Variants in CGB1 observed in about 807,000 individuals in gnomAD.
CGB1 encodes choriogonadotropin subunit beta variant 1.
A neutral mutation model predicts 7.0 loss-of-function variants in CGB1; 4 were observed. That is an observed-to-expected ratio of 0.57 (90% CI 0.28 to 1.31). The LOEUF (loss-of-function observed/expected upper bound fraction) is 1.31. Ranked by LOEUF, CGB1 falls within the 50% of genes most tolerant of loss-of-function variation. CGB1 has a pLI of 0.10. For missense variants in CGB1, 139 were observed against 219.1 expected (o/e 0.63, Z 2.31); for synonymous variants, 72 against 96.4 (o/e 0.75, Z 1.48).
rs1303726020 is a variant in CGB1, at chr19:49,036,698, C to A, written c.9+5G>T. ...TTGGTGCCCGGAAATGTGGATCTAC[C>A]CTACCTTTGACATGTCTCTCTCTTA... is the stretch of plus-strand genomic sequence containing the variant. On this transcript the variant is annotated splice_donor_5th_base_variant and intron_variant, in intron 1 of 2. Transcript: ENST00000301407. 1.9e-6 allele frequency: 3 copies of A among 1,613,940 alleles called. No homozygotes were observed. Among genetic ancestry groups the A allele is most frequent in the Non-Finnish European group, 2.5e-6 (3 of 1,179,846 alleles).
At position 49,036,780 on chromosome 19, in the gene CGB1, C is replaced by T. The variant is rs573599743; in HGVS notation, c.-69G>A. 1.4e-5 allele frequency: 22 copies of T among 1,610,616 alleles called. No individual in the cohort carries two copies. Among genetic ancestry groups the T allele is most frequent in the South Asian group, 2.2e-5 (2 of 91,000 alleles). Reference sequence around the variant, plus strand: ...GGACATGGAAAGTAAATTGAGTCTCCGTGGGGGAGTGAGACAGGGAGTGAG... The same window carrying T: ...GGACATGGAAAGTAAATTGAGTCTCTGTGGGGGAGTGAGACAGGGAGTGAG... On this transcript the variant is annotated 5_prime_UTR_variant, in exon 1 of 3. Transcript: ENST00000301407.
rs569421954 is a variant in CGB1 at position 49,036,890 on chromosome 19, C to A, written c.-179G>T. On this transcript the variant is annotated 5_prime_UTR_variant, in exon 1 of 3. It adds an upstream start codon to the 5' untranslated region. Coordinates refer to ENST00000301407, the MANE Select transcript of CGB1 (RefSeq NM_033377.2). Reference sequence around the variant, plus strand: ...TCTCAGATGCAGTTCCCCTTCCTCCCTCCAGGGGGCGCCACGGAACGCAGG... The same window carrying A: ...TCTCAGATGCAGTTCCCCTTCCTCCATCCAGGGGGCGCCACGGAACGCAGG... The A allele has an allele frequency of 6.0e-6, 5 of 835,974 alleles. No homozygotes were observed. Among genetic ancestry groups the A allele is most frequent in the Non-Finnish European group, 7.7e-6 (4 of 522,118 alleles). 51.8% of individuals were successfully genotyped at this position (835,974 alleles called of 1,614,324 possible). A position where few individuals can be genotyped will look rare whatever the true frequency, so the allele number is the denominator to read the frequency against.
chr19:49,036,477 C>G (rs1045073341), intron 1 of CGB1, 174 bp from the exon 2 acceptor site: 9 of 1,553,198 alleles, frequency 5.8e-6, no homozygotes, highest in Admixed American at 1.9e-5. Flanking sequence ...GCCCAGAGGA[C>G]CTGAGATACC....
At position 49,036,303 on chromosome 19, in the gene CGB1, T is replaced by A; in HGVS notation, c.10A>T (p.Arg4Trp). The A allele has an allele frequency of 1.3e-6, 2 of 1,599,092 alleles. No homozygotes were observed. Among genetic ancestry groups the A allele is most frequent in the Non-Finnish European group, 1.7e-6 (2 of 1,176,452 alleles). The change falls in exon 2 of 3, where the codon AGG becomes TGG. Residue 4 changes from arginine (R) to tryptophan (W), a missense_variant and splice_region_variant. Coordinates refer to ENST00000301407, the MANE Select transcript of CGB1 (RefSeq NM_033377.2). ...CTCAGCAGCAGCAACAGCAGCAGCC[T>A]CTGGGGCAAGGACACTGCTTCACCC... MSK[R>W]LLLLLLLSMG... is the part of the protein sequence containing the mutation.
At chr19:49,035,989 CAG>C (rs2039811212) in intron 2 of CGB1, 89 bp from the exon 3 acceptor site, 1 of 1,316,956 alleles carries the variant, frequency 7.6e-7, no homozygotes, top group African/African-American at 1.5e-5. Flanking sequence ...GTCTCAGACT[CAG>C]GGGTCCAGGA....
intron 2 of CGB1, 109 bp downstream of exon 2, chr19:49,036,027 C>A (rs939677634): frequency 1.5e-5 from 23 of 1,488,676 alleles, no homozygotes; most frequent in Non-Finnish European, 1.9e-5. Flanking sequence ...CCCTCCCACA[C>A]CCCATTCCGC....
Position 49,036,029 on chromosome 19 carries a change from C to T in CGB1, c.177+107G>A. 3 of 1,495,640 alleles carry T rather than the reference C, an allele frequency of 2.0e-6. No homozygotes were observed. The African/African-American group carries it at 4.2e-5, about 21-fold the overall frequency. 92.6% of individuals were successfully genotyped at this position (1,495,640 alleles called of 1,614,324 possible). A position where few individuals can be genotyped will look rare whatever the true frequency, so the allele number is the denominator to read the frequency against. On this transcript the variant is annotated intron_variant, in intron 2 of 2. Transcript: ENST00000301407. ...CCCTCTGTTCCTGCCCTCCCACACC[C>T]CATTCCGCAGCCCCTGACCAGAGAG...
intron 1 of CGB1, 53 bp downstream of exon 1, chr19:49,036,650 T>A (rs1026763373): frequency 6.2e-6 from 10 of 1,613,860 alleles, no homozygotes; most frequent in Non-Finnish European, 8.5e-6. Flanking sequence ...GGCCCTGCAG[T>A]CTTTCCTGGA....
intron 1 of CGB1, 26 bp downstream of exon 1, chr19:49,036,677 T>C: frequency 6.2e-7 from 1 of 1,613,934 alleles, no homozygotes; most frequent in Non-Finnish European, 8.5e-7. Context: ...CCATCTTTGG[T>C]GCCCGGAAAT....
At chr19:49,036,615 T>C in intron 1 of CGB1, 88 bp downstream of exon 1, 3 of 1,613,952 alleles carry the variant, frequency 1.9e-6, no homozygotes, top group Non-Finnish European at 2.5e-6. Context: ...AGTGATGGCC[T>C]GGAAGGAGGT....
At chr19:49,036,391 G>T in intron 1 of CGB1, 88 bp from the exon 2 acceptor site, 1 of 1,600,922 alleles carries the variant, frequency 6.2e-7, no homozygotes, top group Non-Finnish European at 8.5e-7. Flanking sequence ...CACCCACAAA[G>T]ACCCAGAGAC....
In CGB1 at chr19:49,035,633, G is replaced by C; in HGVS notation, c.445C>G (p.Pro149Ala). 1.9e-6 allele frequency: 3 copies of C among 1,611,438 alleles called. No homozygotes were observed. The highest frequency in any genetic ancestry group is 2.5e-6 in the Non-Finnish European group (3 of 1,179,902). Residue 149 changes from proline to alanine, a missense_variant, in exon 3 of 3, where the codon CCA (proline) becomes GCA (alanine). This residue lies in a region of CGB1 where 44 missense variants were observed against 35.0 expected (regional missense o/e 1.26). Coordinates refer to ENST00000301407, the MANE Select transcript of CGB1 (RefSeq NM_033377.2). ...TCCTAGGGCCCCGGGAGACGGGATG[G>C]ACTTGGAAGGCTGGGGGGAGGGGCC... ...SKAPPPSLPSPSRLPGP is the reference protein window; with the variant it reads ...SKAPPPSLPSASRLPGP
In CGB1 at chr19:49,036,015, T is replaced by G. The variant is rs1600223629; in HGVS notation, c.178-115A>C. On this transcript the variant is annotated intron_variant, in intron 2 of 2. Transcript: ENST00000301407. ...AGGGGTCCAGGAAGCCCTCTGTTCC[T>G]GCCCTCCCACACCCCATTCCGCAGC... 7 of 1,441,414 alleles carry G rather than the reference T, an allele frequency of 4.9e-6. No individual in the cohort carries two copies. In the East Asian group the frequency reaches 1.7e-4, roughly 35 times the overall value. 89.3% of individuals were successfully genotyped at this position (1,441,414 alleles called of 1,614,324 possible).
Position 49,036,267 on chromosome 19 carries a change from T to A in CGB1, c.46A>T (p.Thr16Ser), listed in dbSNP as rs748849664. ...LLLLLLSMGG[T>S]WASKEPLRPR... Reference sequence around the variant, plus strand: ...CGAAGCGGCTCCTTGGATGCCCATGTCCCGCCCATGCTCAGCAGCAGCAAC... The same window carrying A: ...CGAAGCGGCTCCTTGGATGCCCATGACCCGCCCATGCTCAGCAGCAGCAAC... Residue 16 changes from threonine (T) to serine (S), a missense_variant, in exon 2 of 3, where the codon ACA becomes TCA. Physicochemically the swap from Thr to Ser is moderately conservative, Grantham distance 58. Around this residue, in one of 4 missense-constraint regions of CGB1, gnomAD observed 24 missense variants for 23.9 expected, o/e 1.00. Coordinates refer to ENST00000301407, the MANE Select transcript of CGB1 (RefSeq NM_033377.2). 1.5e-5 allele frequency: 24 copies of A among 1,607,376 alleles called. No individual in the cohort carries two copies. The highest frequency in any genetic ancestry group is 1.8e-5 in the Non-Finnish European group (21 of 1,179,694).
rs1260481965 is a variant in CGB1, at chr19:49,036,738, G to T, written c.-27C>A. On this transcript the variant is annotated 5_prime_UTR_variant, in exon 1 of 3. Transcript: ENST00000301407. ...TCTCTCTCTTAGCGGGATATCTTCC[G>T]CAAGCACTGGGAATGTGGACATGGA... The T allele has an allele frequency of 3.1e-6, 5 of 1,613,764 alleles. No homozygotes were observed. Among genetic ancestry groups the T allele is most frequent in the Admixed American group, 1.7e-5 (1 of 59,998 alleles).
intron 1 of CGB1, 89 bp from the exon 2 acceptor site, chr19:49,036,392 A>T: frequency 1.2e-6 from 2 of 1,600,690 alleles, no homozygotes; most frequent in Non-Finnish European, 1.7e-6. Flanking sequence ...ACCCACAAAG[A>T]CCCAGAGACC....
intron 1 of CGB1, 178 bp downstream of exon 1, chr19:49,036,525 C>T (rs1251487961): frequency 1.2e-6 from 2 of 1,600,606 alleles, no homozygotes; most frequent in Admixed American, 1.7e-5. Flanking sequence ...AACTGACCCA[C>T]CTGAAGCTTA....
chr19:49,036,340 T>C lies in CGB1; in HGVS notation c.10-37A>G, dbSNP rs144324349. ...ACACTGCTTCACCCGGGTCTGAGAC[T>C]GCAGCCCCCAGTCCTGGCCTTCCCA... On this transcript the variant is annotated intron_variant, in intron 1 of 2. Transcript: ENST00000301407. 2.2e-3 allele frequency: 3,576 copies of C among 1,602,936 alleles called. 74 individuals are homozygous for C. In the East Asian group the frequency reaches 0.045, roughly 20 times the overall value.
In CGB1 at chr19:49,036,708, A is replaced by G. The variant is rs769630365; in HGVS notation, c.4T>C (p.Ser2Pro). 6.2e-7 allele frequency: 1 copy of G among 1,613,902 alleles called. No homozygotes were observed. Among genetic ancestry groups the G allele is most frequent in the South Asian group, 1.1e-5 (1 of 91,072 alleles). Residue 2 changes from serine (S) to proline (P), a missense_variant, in exon 1 of 3, where the codon TCA becomes CCA. Ser to Pro is a moderately conservative substitution (Grantham distance 74). Around this residue, in one of 4 missense-constraint regions of CGB1, gnomAD observed 24 missense variants for 23.9 expected, o/e 1.00. Coordinates refer to ENST00000301407, the MANE Select transcript of CGB1 (RefSeq NM_033377.2). The stretch of plus-strand genomic sequence containing the variant: ...GAAATGTGGATCTACCCTACCTTTG[A>G]CATGTCTCTCTCTTAGCGGGATATC... M[S>P]KRLLLLLLLS...
Sources: gnomAD v4.1 joint callset for allele counts on GRCh38, gnomAD v4.1.1 for gene constraint, gnomAD v4.1.1 regional missense constraint, MANE v1.5 for transcripts, NCBI Gene and HGNC (gene_info 2026-07-23, HGNC 2026-07-21) for gene names.